Variants in TBCK observed in about 807,000 individuals in gnomAD.
The protein encoded by TBCK is TBC1 domain containing kinase, also known as TBC domain-containing protein kinase-like protein.
Under a neutral mutation model 113.4 loss-of-function variants are expected in TBCK, and 99 were observed. The observed-to-expected ratio is 0.87, with a 90% CI of 0.74 to 1.03. The LOEUF is 1.03. Among genes scored for constraint, TBCK ranks in the 50% least tolerant of loss-of-function variants. The pLI, the probability that TBCK is intolerant of heterozygous loss-of-function variation, is 0.00. For synonymous variants in TBCK, 369 were observed against 370.8 expected (o/e 1.00, Z 0.05); for missense variants, 1,045 against 1,061.3 (o/e 0.98, Z 0.21).
At chr4:106,278,936 CCT>C (rs1236495558) in intron 3 of TBCK, among the ~76,000 whole-genome samples, 3 of 151,816 alleles carry the variant, frequency 2.0e-5, no homozygotes, top group Admixed American at 2.0e-4. Flanking sequence ...ACAAAAAAAA[CCT>C]CTGAGTCTCT....
At chr4:106,082,374 G>A (rs537639769) in intron 25 of TBCK, among the ~76,000 whole-genome samples, 2 of 152,210 alleles carry the variant, frequency 1.3e-5, no homozygotes, top group African/African-American at 4.8e-5. Context: ...CTTATAAGTG[G>A]GAGCTAAACA....
rs1264136881 is a variant in TBCK, at chr4:106,262,099, T to C, written c.380A>G (p.Lys127Arg). ...LSPHNILLDR[K>R]GHIKLAKFGL... The stretch of plus-strand genomic sequence containing the variant: ...TTTATTACATGATTTAACAATTACC[T>C]TTCGGTCCAACAGGATATTATGAGG... Residue 127 changes from lysine (K) to arginine (R), a missense_variant and splice_region_variant, in exon 4 of 26, where the codon AAG (lysine) becomes AGG (arginine). Transcript: ENST00000394708. The C allele has an allele frequency of 1.3e-6, 2 of 1,507,760 alleles. No individual in the cohort carries two copies. The highest frequency in any genetic ancestry group is 1.8e-6 in the Non-Finnish European group (2 of 1,116,562). The allele number at this position is 1,507,760 out of a possible 1,614,324, so 93.4% of individuals were successfully genotyped here.
rs548947281 is a variant in TBCK, at chr4:106,063,421, A to T, written c.2572-16741T>A. ...CTAGAAGTATCATATTAATCTGAAG[A>T]ACTAGATAGATACTATCTGGAGCTA... is the stretch of plus-strand genomic sequence containing the variant. On this transcript the variant is annotated intron_variant, in intron 25 of 25. Transcript: ENST00000394708. Among the ~76,000 whole-genome samples, 11 of 152,112 alleles carry T rather than the reference A, an allele frequency of 7.2e-5. 1 individual carries two copies. Among genetic ancestry groups the T allele is most frequent in the Admixed American group, 6.6e-4 (10 of 15,252 alleles).
chr4:106,199,017 T>G (rs1269709701), intron 20 of TBCK, among the ~76,000 whole-genome samples: 4 of 152,168 alleles, frequency 2.6e-5, no homozygotes, highest in Non-Finnish European at 5.9e-5. Flanking sequence ...AAGTGCCTAA[T>G]ACATGCCAGA....
chr4:106,233,847 A>G (rs1759155045), intron 15 of TBCK, among the ~76,000 whole-genome samples, 197 bp from the exon 16 acceptor site: 1 of 152,136 alleles, frequency 6.6e-6, no homozygotes, highest in Non-Finnish European at 1.5e-5. Flanking sequence ...GTCTCTGATA[A>G]GTGACAATTT....
rs1161389063 is a variant in TBCK, at chr4:106,219,392, AAAAT to A, written c.1775-6561_1775-6558del. On this transcript the variant is annotated intron_variant, in intron 19 of 25. Coordinates refer to ENST00000394708, the MANE Select transcript of TBCK (RefSeq NM_001163435.3). ...TAATAATAAAAAAATAAAAAAATAA[AAAAT>A]AAATAAAAATAAAAATTAAAAGTAT... is the stretch of plus-strand genomic sequence containing the variant. Among the ~76,000 whole-genome samples, 8 of 151,568 alleles carry A rather than the reference AAAAT, an allele frequency of 5.3e-5. No homozygotes were observed. The East Asian group carries it at 5.8e-4, about 11-fold the overall frequency.
intron 22 of TBCK, among the ~76,000 whole-genome samples, chr4:106,189,582 T>C (rs1753431090): frequency 6.6e-6 from 1 of 152,040 alleles, no homozygotes; most frequent in South Asian, 2.1e-4. Flanking sequence ...TGGATAACTA[T>C]TGGGAGCACT....
At chr4:106,165,346 T>C (rs1010098069) in intron 23 of TBCK, among the ~76,000 whole-genome samples, 12 of 151,704 alleles carry the variant, frequency 7.9e-5, no homozygotes, top group African/African-American at 2.9e-4. Context: ...AATTCTTTAG[T>C]TTAGGGATGA....
chr4:106,235,408 T>C (rs1285457885), intron 14 of TBCK, 41 bp from the exon 15 acceptor site: 3 of 1,373,870 alleles, frequency 2.2e-6, no homozygotes, highest in Non-Finnish European at 3.0e-6. Context: ...TCAAATTACC[T>C]AGTGCCATCT....
At chr4:106,238,425 C>T (rs1759714557) in intron 12 of TBCK, among the ~76,000 whole-genome samples, 1 of 151,880 alleles carries the variant, frequency 6.6e-6, no homozygotes, top group Non-Finnish European at 1.5e-5. Flanking sequence ...GATATAAAAC[C>T]AGGCCTAGAG....
chr4:106,304,844 A>G (rs1767335771), intron 2 of TBCK, among the ~76,000 whole-genome samples: 1 of 152,202 alleles, frequency 6.6e-6, no homozygotes, highest in Admixed American at 6.5e-5. Context: ...GGAAGAGGAA[A>G]ATGACTCTTA....
Position 106,043,469 on chromosome 4 carries a change from G to A in TBCK, c.*3101C>T, listed in dbSNP as rs751130923. 2.0e-5 allele frequency: 3 copies of A among 152,038 alleles called. No individual in the cohort carries two copies. Among genetic ancestry groups the A allele is most frequent in the Non-Finnish European group, 4.4e-5 (3 of 68,014 alleles). The allele number at this position is 152,038 out of a possible 1,614,324, so 9.4% of individuals were successfully genotyped here. On this transcript the variant is annotated 3_prime_UTR_variant, in exon 26 of 26. Coordinates refer to ENST00000394708, the MANE Select transcript of TBCK (RefSeq NM_001163435.3). ...TGATAGATTCAATTTTATATTAATT[G>A]AGCATATCCAATGTGGTGGGTTGCT...
intron 25 of TBCK, among the ~76,000 whole-genome samples, chr4:106,062,214 G>A (rs1001740313): frequency 1.1e-4 from 16 of 151,786 alleles, no homozygotes; most frequent in Admixed American, 2.6e-4. Flanking sequence ...TCCAGAAATG[G>A]CTATGTGGAA....
At chr4:106,292,436 G>A (rs1018229861) in intron 3 of TBCK, among the ~76,000 whole-genome samples, 1 of 151,998 alleles carries the variant, frequency 6.6e-6, no homozygotes, top group African/African-American at 2.4e-5. Flanking sequence ...AAGGCATGGT[G>A]GTGGGCGCCT....
intron 25 of TBCK, among the ~76,000 whole-genome samples, chr4:106,077,256 A>G (rs564913053): frequency 2.6e-5 from 4 of 152,356 alleles, no homozygotes; most frequent in South Asian, 2.1e-4. Flanking sequence ...TAATGCAACT[A>G]TACAATTAAG....
intron 25 of TBCK, among the ~76,000 whole-genome samples, chr4:106,071,500 G>A (rs1737442435): frequency 6.6e-6 from 1 of 152,190 alleles, no homozygotes; most frequent in South Asian, 2.1e-4. Flanking sequence ...CATTTGCTGA[G>A]GAGTGCTTTA....
chr4:106,050,605 T>G (rs1734699476), intron 25 of TBCK, among the ~76,000 whole-genome samples: 1 of 152,004 alleles, frequency 6.6e-6, no homozygotes, highest in Non-Finnish European at 1.5e-5. Flanking sequence ...GTCAAAGAAT[T>G]CACAATGAAA....
intron 23 of TBCK, among the ~76,000 whole-genome samples, chr4:106,130,995 G>T (rs1035083258): frequency 3.3e-5 from 5 of 151,976 alleles, no homozygotes; most frequent in African/African-American, 9.7e-5. Context: ...GGACTAGCTG[G>T]GTCCCCCCCA....
At chr4:106,069,181 G>A (rs1259502588) in intron 25 of TBCK, among the ~76,000 whole-genome samples, 1 of 152,096 alleles carries the variant, frequency 6.6e-6, no homozygotes, top group Non-Finnish European at 1.5e-5. Flanking sequence ...GGCTTTTGTT[G>A]CCATTGCTTT....
Sources: allele counts gnomAD v4.1 joint callset (sites outside exome capture counted in the v4.1 genomes callset), GRCh38; gene constraint gnomAD v4.1.1; transcripts MANE v1.5; gene names NCBI Gene and HGNC (gene_info 2026-07-23, HGNC 2026-07-21).